The following FAM53A variants were observed in gnomAD, a reference collection of about 807,000 sequenced individuals.
FAM53A encodes family with sequence similarity 53 member A, also known as protein FAM53A.
FAM53A carries 28 observed loss-of-function variants against 26.6 expected under a neutral mutation model. The ratio of observed to expected loss-of-function variants is 1.05; its 90% CI spans 0.78 to 1.45. The LOEUF is 1.45. Ranked by LOEUF, FAM53A falls within the 40% of genes most tolerant of loss-of-function variation. The probability of loss-of-function intolerance (pLI) is 0.00; values close to 1 mark genes in which losing one functional copy is unlikely to be tolerated. For missense variants in FAM53A, 650 were observed against 575.8 expected (o/e 1.13, Z -1.32); for synonymous variants, 290 against 253.1 (o/e 1.15, Z -1.38).
chr4:1,588,575 C>T, the FAM53A span, among the ~76,000 whole-genome samples: 36 of 152,156 alleles, frequency 2.4e-4, no homozygotes, highest in Non-Finnish European at 1.0e-4. Flanking sequence ...AAAGAACCTT[C>T]CACCAATGCC....
Position 1,668,840 on chromosome 4 carries a change from A to C in FAM53A, c.-99T>G. ...AGCATTGCTGGGTCAGCCAAATCTC[A>C]AGGTCATGTCTCCACTTTCTTTACA... On this transcript the variant is annotated 5_prime_UTR_variant, in exon 2 of 5. Transcript: ENST00000308132. 3.6e-6 allele frequency: 4 copies of C among 1,118,310 alleles called. No homozygotes were observed. The highest frequency in any genetic ancestry group is 4.0e-6 in the Non-Finnish European group (3 of 749,254). 69.3% of individuals were successfully genotyped at this position (1,118,310 alleles called of 1,614,324 possible).
chr4:1,652,691 A>G (rs1712965979), intron 4 of FAM53A, among the ~76,000 whole-genome samples: 1 of 146,946 alleles, frequency 6.8e-6, no homozygotes, highest in African/African-American at 2.5e-5. Flanking sequence ...ACCACAGACC[A>G]CACACCACAC....
the FAM53A span, among the ~76,000 whole-genome samples, chr4:1,589,603 G>A: frequency 6.6e-6 from 1 of 151,974 alleles, no homozygotes; most frequent in Admixed American, 6.6e-5. Context: ...ATTTTCAATA[G>A]CTAATGGATA....
At chr4:1,606,186 C>CT in the FAM53A span, among the ~76,000 whole-genome samples, 111 of 151,916 alleles carry the variant, frequency 7.3e-4, 3 homozygotes, top group Middle Eastern at 3.2e-3. Flanking sequence ...CTACAGGCGC[C>CT]TGCCACCACA....
chr4:1,672,372 G>A (rs1383736295), intron 1 of FAM53A, among the ~76,000 whole-genome samples: 3 of 147,588 alleles, frequency 2.0e-5, no homozygotes, highest in African/African-American at 5.3e-5. Context: ...AGGAACCCAC[G>A]AACCCACGAA....
intron 1 of FAM53A, among the ~76,000 whole-genome samples, chr4:1,674,332 G>C (rs1025800100): frequency 1.3e-5 from 2 of 152,162 alleles, no homozygotes; most frequent in Non-Finnish European, 2.9e-5. Flanking sequence ...GATTGGGTTA[G>C]AGCCGACTCT....
At chr4:1,651,386 G>C (rs1434117403) in intron 4 of FAM53A, among the ~76,000 whole-genome samples, 2 of 151,986 alleles carry the variant, frequency 1.3e-5, no homozygotes, top group African/African-American at 4.8e-5. Flanking sequence ...ACAAATATTA[G>C]CCAAGCGTGG....
chr4:1,608,404 G>T, the FAM53A span, among the ~76,000 whole-genome samples: 1 of 152,186 alleles, frequency 6.6e-6, no homozygotes, highest in Non-Finnish European at 1.5e-5. Flanking sequence ...CTGAAACTGC[G>T]TGGATCTGCT....
chr4:1,596,456 C>T, the FAM53A span, among the ~76,000 whole-genome samples: 1 of 147,154 alleles, frequency 6.8e-6, no homozygotes, highest in Non-Finnish European at 1.5e-5. Context: ...GTGTCACCGC[C>T]CAACGCTGGC....
At chr4:1,598,507 C>T in the FAM53A span, among the ~76,000 whole-genome samples, 2 of 152,244 alleles carry the variant, frequency 1.3e-5, no homozygotes, top group Non-Finnish European at 2.9e-5. Flanking sequence ...CGTTGGCACT[C>T]CCAGAGCGGC....
chr4:1,647,288 T>C (rs1712330727), intron 4 of FAM53A, among the ~76,000 whole-genome samples: 1 of 148,280 alleles, frequency 6.7e-6, no homozygotes, highest in Non-Finnish European at 1.5e-5. Context: ...TTAGCCGAGA[T>C]GGCACCATTG....
chr4:1,585,474 G>A, the FAM53A span, among the ~76,000 whole-genome samples: 1 of 151,704 alleles, frequency 6.6e-6, no homozygotes, highest in Non-Finnish European at 1.5e-5. Context: ...AGTAGGGACG[G>A]GGTTTCACCA....
the FAM53A span, among the ~76,000 whole-genome samples, chr4:1,579,530 G>T: frequency 5.3e-5 from 8 of 152,312 alleles, no homozygotes; most frequent in South Asian, 1.7e-3. Context: ...CACGGGTGGG[G>T]CCAGGCTCGA....
At chr4:1,615,797 T>A (rs1349217547), downstream of FAM53A, among the ~76,000 whole-genome samples, 1 of 152,240 alleles carries the variant, frequency 6.6e-6, no homozygotes, top group Non-Finnish European at 1.5e-5. Flanking sequence ...AAATGCAGAA[T>A]CCGAACAAGG....
the FAM53A span, among the ~76,000 whole-genome samples, chr4:1,578,660 CT>C: frequency 2.0e-5 from 3 of 150,206 alleles, no homozygotes; most frequent in African/African-American, 4.9e-5. Context: ...CGCGACCCCC[CT>C]ACCCCGAACC....
chr4:1,658,581 T>C (rs1291067862), intron 2 of FAM53A, among the ~76,000 whole-genome samples: 1 of 152,202 alleles, frequency 6.6e-6, no homozygotes, highest in African/African-American at 2.4e-5. Flanking sequence ...TCTCCCTCCC[T>C]GGAAGCAGGA....
chr4:1,594,936 G>A, the FAM53A span, among the ~76,000 whole-genome samples: 33 of 152,348 alleles, frequency 2.2e-4, no homozygotes, highest in Non-Finnish European at 4.1e-4. Flanking sequence ...CGGGTGTGGA[G>A]GGGGAAGTCT....
chr4:1,577,074 G>C, the FAM53A span, among the ~76,000 whole-genome samples: 24 of 151,726 alleles, frequency 1.6e-4, no homozygotes, highest in Non-Finnish European at 3.2e-4. Flanking sequence ...GAGCGGGTAC[G>C]GTGGGGACAG....
At chr4:1,618,173 A>C (rs1165670001) in intron 1 of FAM53A, 1 of 456,174 alleles carries the variant, frequency 2.2e-6, no homozygotes, top group South Asian at 1.5e-5. Flanking sequence ...ACCAGAAGAC[A>C]GGGCACGTGC....
Sources: gnomAD v4.1 joint callset for allele counts (sites outside exome capture counted in the v4.1 genomes callset) on GRCh38, gnomAD v4.1.1 for gene constraint, MANE v1.5 for transcripts, NCBI Gene and HGNC (gene_info 2026-07-23, HGNC 2026-07-21) for gene names.